The following MIPEP variants were observed in gnomAD, a reference collection of about 807,000 sequenced individuals.
MIPEP encodes mitochondrial intermediate peptidase.
Under a neutral mutation model 90.3 loss-of-function variants are expected in MIPEP, and 79 were observed. That is an observed-to-expected ratio of 0.87 (90% CI 0.73 to 1.05). The LOEUF (loss-of-function observed/expected upper bound fraction) is 1.05. Ranked by LOEUF, MIPEP falls within the 50% of genes least tolerant of loss-of-function variation. MIPEP has a pLI of 0.00. For synonymous variants in MIPEP, 334 were observed against 315.8 expected (o/e 1.06, Z -0.61); for missense variants, 940 against 905.6 (o/e 1.04, Z -0.49).
chr13:23,822,525 T>C (rs1249098995), intron 14 of MIPEP, among the ~76,000 whole-genome samples: 1 of 152,206 alleles, frequency 6.6e-6, no homozygotes, highest in African/African-American at 2.4e-5. Flanking sequence ...GACTTAAACT[T>C]AGATTTCTAG....
intron 9 of MIPEP, among the ~76,000 whole-genome samples, chr13:23,859,256 T>C (rs1191327585): frequency 6.6e-6 from 1 of 152,182 alleles, no homozygotes; most frequent in Non-Finnish European, 1.5e-5. Flanking sequence ...TATTAATCCA[T>C]AAAACACACT....
rs574037447 is a variant in MIPEP, at chr13:23,804,108, T to G, written c.1848+1842A>C. ...GATTTATGGATTGTTGATTCAGAAT[T>G]TGGTTGCCACTAATACTTCATATTT... is the stretch of plus-strand genomic sequence containing the variant. On this transcript the variant is annotated intron_variant, in intron 16 of 18. Coordinates refer to ENST00000382172, the MANE Select transcript of MIPEP (RefSeq NM_005932.4). Among the ~76,000 whole-genome samples, 4 of 152,306 alleles carry G rather than the reference T, an allele frequency of 2.6e-5. No homozygotes were observed. The East Asian group carries it at 7.7e-4, about 29-fold the overall frequency.
intron 18 of MIPEP, 54 bp from the exon 19 acceptor site, chr13:23,730,499 CA>C: frequency 8.5e-7 from 1 of 1,171,000 alleles, no homozygotes; most frequent in South Asian, 1.3e-5. Context: ...ACAGGAAGCA[CA>C]AAGACACAAA....
intron 18 of MIPEP, among the ~76,000 whole-genome samples, chr13:23,738,622 T>A (rs150427981): frequency 6.6e-6 from 1 of 152,018 alleles, no homozygotes; most frequent in East Asian, 1.9e-4. Context: ...TAGTTTTTTT[T>A]TTTTTTGTAG....
At chr13:23,859,589 C>T (rs942058566) in intron 9 of MIPEP, among the ~76,000 whole-genome samples, 1 of 152,142 alleles carries the variant, frequency 6.6e-6, no homozygotes, top group Non-Finnish European at 1.5e-5. Flanking sequence ...CCAATCCATA[C>T]CAGACTATAA....
intron 3 of MIPEP, 46 bp from the exon 4 acceptor site, chr13:23,879,400 T>G (rs1279396388): frequency 9.8e-7 from 1 of 1,022,314 alleles, no homozygotes; most frequent in Non-Finnish European, 1.5e-6. Context: ...TTCTAATACC[T>G]TATTTTTAAC....
In MIPEP at chr13:23,844,102, G is replaced by C. The variant is rs1230983629; in HGVS notation, c.1107-2614C>G. Among the ~76,000 whole-genome samples the C allele has an allele frequency of 2.0e-5, 3 of 152,052 alleles. No homozygotes were observed. The South Asian group carries it at 6.2e-4, about 32-fold the overall frequency. Reference sequence around the variant, plus strand: ...CAGACACTCAGGACCCAAAGCTAAGGAGAACAAGGAGACTTCACTGTACAG... The same window carrying C: ...CAGACACTCAGGACCCAAAGCTAAGCAGAACAAGGAGACTTCACTGTACAG... On this transcript the variant is annotated intron_variant, in intron 10 of 18. Transcript: ENST00000382172.
chr13:23,865,314 G>C (rs909132718), intron 7 of MIPEP, among the ~76,000 whole-genome samples: 1 of 152,108 alleles, frequency 6.6e-6, no homozygotes, highest in Non-Finnish European at 1.5e-5. Context: ...TTCAATTTAA[G>C]TTATCTCCTT....
At position 23,768,503 on chromosome 13, in the gene MIPEP, C is replaced by T. The variant is rs112174973; in HGVS notation, c.1849-8286G>A. Among the ~76,000 whole-genome samples the T allele has an allele frequency of 6.6e-3, 1,004 of 152,248 alleles. 7 individuals are homozygous for T. Among genetic ancestry groups the T allele is most frequent in the Non-Finnish European group, 9.9e-3 (676 of 68,010 alleles). ...GGCCAATAAAAACAGATTGCTTGAG[C>T]CCAGGAATTTGAAACCAGCATGGGT... On this transcript the variant is annotated intron_variant, in intron 16 of 18. Transcript: ENST00000382172.
At chr13:23,871,007 G>A (rs990037438) in intron 5 of MIPEP, among the ~76,000 whole-genome samples, 3 of 152,102 alleles carry the variant, frequency 2.0e-5, no homozygotes, top group Non-Finnish European at 4.4e-5. Context: ...CTGCAACCTG[G>A]GCAACAAAGC....
chr13:23,827,909 C>A (rs537247448), intron 14 of MIPEP, among the ~76,000 whole-genome samples: 17 of 151,970 alleles, frequency 1.1e-4, no homozygotes, highest in African/African-American at 4.1e-4. Flanking sequence ...CCAGCCTGGG[C>A]GATGGAGGGA....
At chr13:23,827,814 C>T (rs9510878) in intron 14 of MIPEP, among the ~76,000 whole-genome samples, 28,709 of 152,088 alleles carry the variant, frequency 0.19, 3,184 homozygotes, top group Non-Finnish European at 0.25. Flanking sequence ...CGCTGTAATC[C>T]CAGCTACTCA....
chr13:23,744,796 A>T (rs1444447660), intron 18 of MIPEP, among the ~76,000 whole-genome samples: 1 of 152,230 alleles, frequency 6.6e-6, no homozygotes, highest in African/African-American at 2.4e-5. Flanking sequence ...AGTATTTGAC[A>T]TGAAGGATTA....
chr13:23,861,736 A>C (rs1013101027), intron 9 of MIPEP, among the ~76,000 whole-genome samples: 1 of 152,204 alleles, frequency 6.6e-6, no homozygotes, highest in Non-Finnish European at 1.5e-5. Context: ...GACACTTTTC[A>C]GGGCACTCCC....
At chr13:23,859,467 A>C (rs1377918468) in intron 9 of MIPEP, among the ~76,000 whole-genome samples, 1 of 152,238 alleles carries the variant, frequency 6.6e-6, no homozygotes, top group Non-Finnish European at 1.5e-5. Flanking sequence ...TAATACTGAA[A>C]GAAGGGAAAG....
In MIPEP at chr13:23,849,995, A is replaced by G. The variant is rs146042483; in HGVS notation, c.1107-8507T>C. 7.2e-5 allele frequency among the ~76,000 whole-genome samples: 11 copies of G among 152,366 alleles called. No individual in the cohort carries two copies. In the East Asian group the frequency reaches 2.1e-3, roughly 29 times the overall value. On this transcript the variant is annotated intron_variant, in intron 10 of 18. Transcript: ENST00000382172. ...TTGAAACACAGGTAAACACAGCTTC[A>G]GTCTCACCTTATTCTATTCAGTGAG...
chr13:23,837,328 C>A (rs944173282), intron 13 of MIPEP, among the ~76,000 whole-genome samples: 1 of 152,068 alleles, frequency 6.6e-6, no homozygotes, highest in African/African-American at 2.4e-5. Flanking sequence ...ACTTGAAAGA[C>A]AACTGAGATT....
At chr13:23,788,141 G>GT (rs1260080668) in intron 16 of MIPEP, among the ~76,000 whole-genome samples, 2 of 152,132 alleles carry the variant, frequency 1.3e-5, no homozygotes, top group Non-Finnish European at 2.9e-5. Context: ...CTTAATCCAC[G>GT]TGTGTGATCA....
At position 23,760,136 on chromosome 13, in the gene MIPEP, T is replaced by C; in HGVS notation, c.1930A>G (p.Met644Val). ...TGTAGAAAACACTCCTTCCAAACCA[T>C]GGAGGCGACCGCTCTGGACATGAGG... ...SYLMSRAVAS[M>V]VWKECFLQDP... The change falls in exon 17 of 19, where the codon ATG becomes GTG. Residue 644 changes from methionine to valine, a missense_variant. Physicochemically the swap from Met to Val is conservative, Grantham distance 21. Coordinates refer to ENST00000382172, the MANE Select transcript of MIPEP (RefSeq NM_005932.4). 3 of 1,614,140 alleles carry C rather than the reference T, an allele frequency of 1.9e-6. No individual in the cohort carries two copies. Among genetic ancestry groups the C allele is most frequent in the Non-Finnish European group, 2.5e-6 (3 of 1,180,020 alleles).
Sources: allele counts gnomAD v4.1 joint callset (sites outside exome capture counted in the v4.1 genomes callset), GRCh38; gene constraint gnomAD v4.1.1; transcripts MANE v1.5; gene names NCBI Gene and HGNC (gene_info 2026-07-23, HGNC 2026-07-21).